Variants in HS6ST3 observed in about 807,000 individuals in gnomAD.
HS6ST3 encodes heparan-sulfate 6-O-sulfotransferase 3.
A neutral mutation model predicts 36.7 loss-of-function variants in HS6ST3; 12 were observed. That is an observed-to-expected ratio of 0.33 (90% CI 0.21 to 0.53). HS6ST3 has a LOEUF of 0.53. Ranked by LOEUF, HS6ST3 falls within the 20% of genes least tolerant of loss-of-function variation. The pLI is 0.95. For missense variants in HS6ST3, 584 were observed against 640.9 expected (o/e 0.91, Z 0.96); for synonymous variants, 240 against 257.5 (o/e 0.93, Z 0.65).
chr13:96,759,201 A>G (rs1594853558), intron 1 of HS6ST3, among the ~76,000 whole-genome samples: 1 of 151,862 alleles, frequency 6.6e-6, no homozygotes, highest in Admixed American at 6.6e-5. Flanking sequence ...TTTGTCTCTC[A>G]TATAAGCTAA....
At chr13:96,651,542 A>G (rs1261689760) in intron 1 of HS6ST3, among the ~76,000 whole-genome samples, 1 of 151,988 alleles carries the variant, frequency 6.6e-6, no homozygotes, top group Non-Finnish European at 1.5e-5. Flanking sequence ...TACCCTCCTC[A>G]TCACATGCCA....
rs144483116 is a variant in HS6ST3 at position 96,801,235 on chromosome 13, T to A, written c.708-31255T>A. Among the ~76,000 whole-genome samples the A allele has an allele frequency of 1.5e-3, 225 of 152,254 alleles. 1 individual carries two copies. In the East Asian group the frequency reaches 0.019, roughly 13 times the overall value. ...ACTCTCCTCTGCCAATCTCTGGCAA[T>A]CCCAAGGATGCAAAACATTGAGTTC... On this transcript the variant is annotated intron_variant, in intron 1 of 1. Coordinates refer to ENST00000376705, the MANE Select transcript of HS6ST3 (RefSeq NM_153456.4).
At chr13:96,650,935 T>C (rs986376067) in intron 1 of HS6ST3, among the ~76,000 whole-genome samples, 12 of 152,110 alleles carry the variant, frequency 7.9e-5, no homozygotes, top group African/African-American at 2.9e-4. Context: ...ATCACAGAAA[T>C]AGCCTGTTCT....
intron 1 of HS6ST3, among the ~76,000 whole-genome samples, chr13:96,788,634 A>G (rs150033923): frequency 6.6e-6 from 1 of 151,932 alleles, no homozygotes; most frequent in South Asian, 2.1e-4. Flanking sequence ...TGAGGGGAAC[A>G]TATTGAATTG....
At chr13:96,553,858 A>T (rs2056229317) in intron 1 of HS6ST3, among the ~76,000 whole-genome samples, 1 of 152,232 alleles carries the variant, frequency 6.6e-6, no homozygotes, top group Admixed American at 6.5e-5. Flanking sequence ...TGAGAGCATC[A>T]TGAAGAGCTG....
intron 1 of HS6ST3, among the ~76,000 whole-genome samples, chr13:96,624,304 A>G (rs1336212495): frequency 6.6e-6 from 1 of 152,054 alleles, no homozygotes; most frequent in Non-Finnish European, 1.5e-5. Flanking sequence ...AACACTTCTG[A>G]TTTTTGTATG....
chr13:96,235,945 A>C (rs1347456508), intron 1 of HS6ST3, among the ~76,000 whole-genome samples: 1 of 152,196 alleles, frequency 6.6e-6, no homozygotes, highest in Non-Finnish European at 1.5e-5. Context: ...CTGAGGAGGA[A>C]GGAAGCCAAT....
At chr13:96,119,900 C>T (rs1360716507) in intron 1 of HS6ST3, among the ~76,000 whole-genome samples, 2 of 150,778 alleles carry the variant, frequency 1.3e-5, no homozygotes, top group Non-Finnish European at 2.9e-5. Flanking sequence ...GGAAACTGTG[C>T]TCTACCCTAG....
intron 1 of HS6ST3, among the ~76,000 whole-genome samples, chr13:96,200,354 T>G (rs2054335398): frequency 6.6e-6 from 1 of 152,206 alleles, no homozygotes; most frequent in African/African-American, 2.4e-5. Flanking sequence ...TGATCATCTT[T>G]CCTATTTTGA....
intron 1 of HS6ST3, among the ~76,000 whole-genome samples, chr13:96,314,123 C>T (rs977744627): frequency 2.0e-5 from 3 of 152,136 alleles, no homozygotes; most frequent in African/African-American, 7.2e-5. Flanking sequence ...ATTGCTTGAA[C>T]CCAGGAGGCG....
intron 1 of HS6ST3, among the ~76,000 whole-genome samples, chr13:96,314,751 GT>G (rs1419599891): frequency 2.6e-5 from 4 of 152,096 alleles, no homozygotes; most frequent in Non-Finnish European, 5.9e-5. Context: ...ACTATTTATT[GT>G]TTGAGGTTAT....
chr13:96,240,270 C>T (rs2054553874), intron 1 of HS6ST3, among the ~76,000 whole-genome samples: 1 of 152,010 alleles, frequency 6.6e-6, no homozygotes, highest in Non-Finnish European at 1.5e-5. Flanking sequence ...GCTCCAGTGA[C>T]ATATTATGTG....
At chr13:96,340,225 A>G (rs2055123333) in intron 1 of HS6ST3, among the ~76,000 whole-genome samples, 1 of 152,200 alleles carries the variant, frequency 6.6e-6, no homozygotes, top group Non-Finnish European at 1.5e-5. Flanking sequence ...TGGACTTGGA[A>G]CCAGTTGCAG....
chr13:96,601,162 A>G (rs2056420343), intron 1 of HS6ST3, among the ~76,000 whole-genome samples: 1 of 152,118 alleles, frequency 6.6e-6, no homozygotes, highest in Non-Finnish European at 1.5e-5. Context: ...CTTTTTTGCA[A>G]TGAATCTCCC....
intron 1 of HS6ST3, among the ~76,000 whole-genome samples, chr13:96,570,510 G>T (rs1192098539): frequency 6.6e-6 from 1 of 152,086 alleles, no homozygotes; most frequent in Non-Finnish European, 1.5e-5. Context: ...CTAAATTACG[G>T]GTCAGGGAGT....
At chr13:96,807,953 T>C (rs1009083933) in intron 1 of HS6ST3, among the ~76,000 whole-genome samples, 3 of 152,008 alleles carry the variant, frequency 2.0e-5, no homozygotes, top group African/African-American at 7.2e-5. Context: ...TACTATTAAA[T>C]ACCTATTACA....
intron 1 of HS6ST3, among the ~76,000 whole-genome samples, chr13:96,650,959 T>C (rs934379201): frequency 6.6e-6 from 1 of 152,082 alleles, no homozygotes; most frequent in African/African-American, 2.4e-5. Context: ...TGACATGCCC[T>C]CTCTAATCCA....
chr13:96,538,753 A>C lies in HS6ST3; in HGVS notation c.708-293737A>C, dbSNP rs2056166110. 2.0e-5 allele frequency among the ~76,000 whole-genome samples: 3 copies of C among 152,202 alleles called. No homozygotes were observed. In the South Asian group the frequency reaches 6.2e-4, roughly 32 times the overall value. On this transcript the variant is annotated intron_variant, in intron 1 of 1. Transcript: ENST00000376705. Reference sequence around the variant, plus strand: ...GCCACCATGCCCAGCTAAGCACATGAAAATCGATTTCAGAAGTATCTATAC... The same window carrying C: ...GCCACCATGCCCAGCTAAGCACATGCAAATCGATTTCAGAAGTATCTATAC...
intron 1 of HS6ST3, among the ~76,000 whole-genome samples, chr13:96,658,363 C>G (rs529825844): frequency 6.9e-6 from 1 of 145,800 alleles, no homozygotes; most frequent in African/African-American, 2.6e-5. Context: ...TCACTGCAAC[C>G]TCTGCCTCCT....
Sources: allele counts gnomAD v4.1 joint callset (sites outside exome capture counted in the v4.1 genomes callset), GRCh38; gene constraint gnomAD v4.1.1; transcripts MANE v1.5; gene names NCBI Gene and HGNC (gene_info 2026-07-23, HGNC 2026-07-21).